EYA1: variants seen among roughly 807,000 people sequenced by gnomAD.
The protein encoded by EYA1 is EYA transcriptional coactivator and phosphatase 1.
EYA1 carries 16 observed loss-of-function variants against 82.0 expected under a neutral mutation model. The ratio of observed to expected loss-of-function variants is 0.20; its 90% CI spans 0.13 to 0.30. The LOEUF (loss-of-function observed/expected upper bound fraction) is 0.30. Ranked by LOEUF, EYA1 falls within the 10% of genes least tolerant of loss-of-function variation. The pLI is 1.00. For missense variants in EYA1, 633 were observed against 730.7 expected (o/e 0.87, Z 1.54); for synonymous variants, 261 against 264.4 (o/e 0.99, Z 0.12).
intron 7 of EYA1, among the ~76,000 whole-genome samples, chr8:71,310,766 T>C (rs1821251476): frequency 6.7e-6 from 1 of 149,656 alleles, no homozygotes; most frequent in African/African-American, 2.5e-5. Flanking sequence ...TTTCCCCAAA[T>C]GAAGAAAATC....
intron 7 of EYA1, among the ~76,000 whole-genome samples, chr8:71,308,837 T>C (rs76291478): frequency 0.014 from 2,204 of 152,204 alleles, 45 homozygotes; most frequent in African/African-American, 0.051. Flanking sequence ...GGGGCCTGTC[T>C]GTACTTGCCA....
At chr8:71,311,595 GA>G (rs1821349287) in intron 7 of EYA1, among the ~76,000 whole-genome samples, 1 of 152,172 alleles carries the variant, frequency 6.6e-6, no homozygotes, top group Admixed American at 6.6e-5. Flanking sequence ...ACTTCTTCCA[GA>G]AAAACCAAAG....
intron 11 of EYA1, among the ~76,000 whole-genome samples, chr8:71,265,928 T>C (rs1563722993): frequency 2.0e-5 from 3 of 152,226 alleles, no homozygotes; most frequent in Non-Finnish European, 4.4e-5. Flanking sequence ...ATCACCTTTG[T>C]TATAAAACAA....
At chr8:71,334,035 T>C in intron 4 of EYA1, 62 bp downstream of exon 4, 1 of 1,124,614 alleles carries the variant, frequency 8.9e-7, no homozygotes, top group African/African-American at 1.5e-5. Flanking sequence ...ACAGGGACAT[T>C]ACATGAATAA....
intron 12 of EYA1, among the ~76,000 whole-genome samples, chr8:71,227,387 A>G (rs574525090): frequency 6.6e-6 from 1 of 152,288 alleles, no homozygotes; most frequent in South Asian, 2.1e-4. Flanking sequence ...AATTTTTCAT[A>G]GTGACAGCAA....
At chr8:71,448,053 C>T (rs1294522451) in intron 2 of EYA1, among the ~76,000 whole-genome samples, 2 of 124,318 alleles carry the variant, frequency 1.6e-5, no homozygotes, top group East Asian at 3.5e-4. Context: ...GGCTGCAGTG[C>T]GGTGGCATGA....
intron 4 of EYA1, among the ~76,000 whole-genome samples, chr8:71,329,927 A>C (rs576978222): frequency 6.6e-6 from 1 of 152,278 alleles, no homozygotes; most frequent in Admixed American, 6.5e-5. Context: ...GCAGAGCTGC[A>C]CCGAGTCAAG....
chr8:71,298,847 T>C (rs569492564), intron 9 of EYA1, among the ~76,000 whole-genome samples, 200 bp downstream of exon 9: 16 of 152,374 alleles, frequency 1.1e-4, no homozygotes, highest in Non-Finnish European at 8.8e-5. Flanking sequence ...TTTTGATGTT[T>C]ATATACTTTA....
intron 11 of EYA1, among the ~76,000 whole-genome samples, chr8:71,246,412 C>T (rs765403232): frequency 2.8e-4 from 42 of 152,260 alleles, no homozygotes; most frequent in South Asian, 1.9e-3. Flanking sequence ...AACATACAAT[C>T]CAAAGAAAAG....
intron 4 of EYA1, among the ~76,000 whole-genome samples, chr8:71,327,965 C>G (rs1430296232): frequency 6.6e-6 from 1 of 150,494 alleles, no homozygotes; most frequent in Non-Finnish European, 1.5e-5. Flanking sequence ...AAGCGATTCT[C>G]CTGCCTCAGC....
intron 12 of EYA1, among the ~76,000 whole-genome samples, chr8:71,224,815 T>C (rs1200079146): frequency 1.3e-5 from 2 of 152,228 alleles, no homozygotes; most frequent in Admixed American, 1.3e-4. Flanking sequence ...GGGAATGCTC[T>C]CCATGGTGGT....
At chr8:71,290,122 ATACT>A (rs57739835) in intron 9 of EYA1, among the ~76,000 whole-genome samples, 7,296 of 152,230 alleles carry the variant, frequency 0.048, 582 homozygotes, top group African/African-American at 0.17. Flanking sequence ...TTATCAAACA[ATACT>A]TACTATCAAC....
chr8:71,245,100 T>C (rs1812918662), intron 11 of EYA1, among the ~76,000 whole-genome samples: 1 of 152,140 alleles, frequency 6.6e-6, no homozygotes, highest in Non-Finnish European at 1.5e-5. Context: ...GTCACAAATA[T>C]CAGAAAATAG....
chr8:71,316,654 A>C, intron 7 of EYA1, among the ~76,000 whole-genome samples: 1 of 152,178 alleles, frequency 6.6e-6, no homozygotes, highest in East Asian at 1.9e-4. Context: ...AATGTAATGA[A>C]GAATAAGCTA....
chr8:71,542,681 C>A (rs1020905489), intron 1 of EYA1, among the ~76,000 whole-genome samples: 2 of 152,216 alleles, frequency 1.3e-5, no homozygotes, highest in South Asian at 4.1e-4. Context: ...TTCCCACCTA[C>A]AGAGTATAAG....
intron 3 of EYA1, among the ~76,000 whole-genome samples, chr8:71,350,130 A>G (rs947968963): frequency 6.6e-6 from 1 of 152,226 alleles, no homozygotes; most frequent in Non-Finnish European, 1.5e-5. Context: ...TGCAGAATGT[A>G]AACAATAATA....
At chr8:71,412,344 C>T (rs1194792948) in intron 2 of EYA1, among the ~76,000 whole-genome samples, 1 of 146,584 alleles carries the variant, frequency 6.8e-6, no homozygotes, top group Admixed American at 6.8e-5. Context: ...CTAACCTGCA[C>T]AATGTGCACA....
exon 2 of EYA1, chr8:71,535,763 C>A (rs775075548): frequency 1.3e-6 from 2 of 1,520,364 alleles, no homozygotes; most frequent in Non-Finnish European, 1.8e-6. Flanking sequence ...ATTTATCCCC[C>A]GGGGGTCTTC....
intron 17 of EYA1, among the ~76,000 whole-genome samples, chr8:71,203,044 C>T (rs1807261381): frequency 6.6e-6 from 1 of 152,114 alleles, no homozygotes; most frequent in Non-Finnish European, 1.5e-5. Flanking sequence ...CTAGAACAAA[C>T]ATTTCTTGTA....
Sources: gnomAD v4.1 joint callset for allele counts (sites outside exome capture counted in the v4.1 genomes callset) on GRCh38, gnomAD v4.1.1 for gene constraint, MANE v1.5 for transcripts, NCBI Gene and HGNC (gene_info 2026-07-23, HGNC 2026-07-21) for gene names.